Variants in QTRT2 observed in about 807,000 individuals in gnomAD.
QTRT2 encodes queuine tRNA-ribosyltransferase accessory subunit 2, also known as queuine tRNA-ribosyltransferase domain containing 1.
Under a neutral mutation model 44.8 loss-of-function variants are expected in QTRT2, and 32 were observed. The ratio of observed to expected loss-of-function variants is 0.71; its 90% confidence interval spans 0.54 to 0.96. QTRT2 has a LOEUF of 0.96. Among genes scored for constraint, QTRT2 ranks in the 40% least tolerant of loss-of-function variants. QTRT2 has a pLI of 0.00. For missense variants in QTRT2, 461 were observed against 503.1 expected (o/e 0.92, Z 0.80); for synonymous variants, 182 against 187.4 (o/e 0.97, Z 0.24).
intron 2 of QTRT2, among the ~76,000 whole-genome samples, chr3:114,060,500 A>AGG (rs1559946061): frequency 0.14 from 5,242 of 36,280 alleles, 96 homozygotes; most frequent in Non-Finnish European, 0.22. Flanking sequence ...AGGTAGGTAG[A>AGG]TAGATAGATA....
chr3:114,080,053 G>A lies in QTRT2; in HGVS notation c.894G>A (p.Glu298=), dbSNP rs2077147802. The A allele has an allele frequency of 6.2e-7, 1 of 1,601,582 alleles. No homozygotes were observed. The highest frequency in any genetic ancestry group is 8.5e-7 in the Non-Finnish European group (1 of 1,174,646). ...TTGATTACCAGCCGAATCCTGAAGA[G>A]ACACGTAAGTCTTTTGAAGTTTATC... The part of the protein sequence containing the change: ...FSFDYQPNPE[E]TLLQQNGTQE... Residue 298 remains glutamate, a synonymous_variant, in exon 8 of 10, where the codon GAG becomes GAA. Transcript: ENST00000281273.
At chr3:114,067,262 C>T (rs543155338) in intron 4 of QTRT2, among the ~76,000 whole-genome samples, 1 of 151,978 alleles carries the variant, frequency 6.6e-6, no homozygotes, top group Non-Finnish European at 1.5e-5. Flanking sequence ...TGTAGGCTTT[C>T]TAGAGATAAT....
intron 5 of QTRT2, among the ~76,000 whole-genome samples, chr3:114,070,194 G>A (rs2077005827): frequency 6.6e-6 from 1 of 152,158 alleles, no homozygotes; most frequent in African/African-American, 2.4e-5. Flanking sequence ...TAAATACTCT[G>A]ACATGATTAT....
intron 9 of QTRT2, among the ~76,000 whole-genome samples, chr3:114,084,372 C>A (rs1164087505): frequency 6.6e-6 from 1 of 152,094 alleles, no homozygotes; most frequent in Non-Finnish European, 1.5e-5. Context: ...AATCCTAGCA[C>A]TTTGGGAGGC....
chr3:114,062,797 A>G (rs1156547701), intron 2 of QTRT2, among the ~76,000 whole-genome samples: 1 of 152,178 alleles, frequency 6.6e-6, no homozygotes, highest in Non-Finnish European at 1.5e-5. Flanking sequence ...ACATTCTAGA[A>G]TCCTATACTT....
chr3:114,057,894 A>G (rs1476072825), intron 2 of QTRT2, among the ~76,000 whole-genome samples: 2 of 152,236 alleles, frequency 1.3e-5, no homozygotes, highest in African/African-American at 2.4e-5. Context: ...AGGGAAAAGA[A>G]GAAGAACACT....
At position 114,065,472 on chromosome 3, in the gene QTRT2, C is replaced by G; in HGVS notation, c.200+15C>G. 1.3e-6 allele frequency: 2 copies of G among 1,590,850 alleles called. No individual in the cohort carries two copies. The highest frequency in any genetic ancestry group is 2.2e-5 in the South Asian group (2 of 90,448). Reference sequence around the variant, plus strand: ...CTGTCATCCCTGTAAGTGTTAGAACCAATGATTCAAGTATCAACTGTGGCA... The same window carrying G: ...CTGTCATCCCTGTAAGTGTTAGAACGAATGATTCAAGTATCAACTGTGGCA... On this transcript the variant is annotated intron_variant, in intron 3 of 9. Transcript: ENST00000281273.
At chr3:114,079,784 T>C in intron 7 of QTRT2, 122 bp from the exon 8 acceptor site, 1 of 925,892 alleles carries the variant, frequency 1.1e-6, no homozygotes, top group Non-Finnish European at 1.7e-6. Context: ...TGCCTGCCAC[T>C]CTAACCATGA....
intron 2 of QTRT2, among the ~76,000 whole-genome samples, chr3:114,059,525 G>A (rs867015281): frequency 1.3e-5 from 2 of 152,130 alleles, no homozygotes; most frequent in Non-Finnish European, 2.9e-5. Context: ...TAGAAAAGAA[G>A]TGTAATTATA....
intron 8 of QTRT2, 102 bp downstream of exon 8, chr3:114,080,159 C>A: frequency 2.1e-6 from 2 of 932,728 alleles, no homozygotes; most frequent in Non-Finnish European, 3.2e-6. Context: ...TAAAGCCAGT[C>A]TTTTACAAAA....
chr3:114,060,405 G>C (rs2076864706), intron 2 of QTRT2, among the ~76,000 whole-genome samples: 1 of 152,136 alleles, frequency 6.6e-6, no homozygotes, highest in Admixed American at 6.5e-5. Flanking sequence ...TCGCTTATCT[G>C]TGGGGAATAT....
rs147560799 is a variant in QTRT2 at position 114,072,634 on chromosome 3, C to T, written c.546+1796C>T. Among the ~76,000 whole-genome samples, 322 of 152,320 alleles carry T rather than the reference C, an allele frequency of 2.1e-3. 2 individuals carry two copies. Among genetic ancestry groups the T allele is most frequent in the South Asian group, 0.011 (55 of 4,826 alleles). On this transcript the variant is annotated intron_variant, in intron 6 of 9. Coordinates refer to ENST00000281273, the MANE Select transcript of QTRT2 (RefSeq NM_024638.4). The stretch of plus-strand genomic sequence containing the variant: ...TTCATCATGCAGCAGAATGCCTTCC[C>T]TGTCTTATTCACTGGTTCCTCTTAT...
At chr3:114,079,803 T>C (rs559443440) in intron 7 of QTRT2, 103 bp from the exon 8 acceptor site, 433 of 1,120,772 alleles carry the variant, frequency 3.9e-4, no homozygotes, top group Non-Finnish European at 5.5e-4. Flanking sequence ...GATTGGTGTT[T>C]TTCATTATTA....
In QTRT2 at chr3:114,085,824, T is replaced by C. The variant is rs752860561; in HGVS notation, c.1168T>C (p.Phe390Leu). The change falls in exon 10 of 10, where the codon TTT becomes CTT. Residue 390 changes from phenylalanine to leucine, a missense_variant. Transcript: ENST00000281273. ...GCACAACTTTGAACACTACTTTGGG[T>C]TTTTCCATTACATCCGGGAAGCACT... ...MMHNFEHYFGFFHYIREALKS... is the reference protein window; with the variant it reads ...MMHNFEHYFGLFHYIREALKS... 7 of 1,613,984 alleles carry C rather than the reference T, an allele frequency of 4.3e-6. No individual in the cohort carries two copies. In the Admixed American group the frequency reaches 5.0e-5, roughly 12 times the overall value.
At chr3:114,078,209 A>G (rs2077118449) in intron 7 of QTRT2, 1 of 152,174 alleles carries the variant, frequency 6.6e-6, no homozygotes, top group East Asian at 1.9e-4. Context: ...TCTGGTGCAC[A>G]TAACACTTCA....
chr3:114,075,073 C>T (rs147148589), intron 6 of QTRT2, among the ~76,000 whole-genome samples: 4 of 152,264 alleles, frequency 2.6e-5, no homozygotes, highest in Admixed American at 2.6e-4. Flanking sequence ...ATTTTAGGAT[C>T]CATAGATAAA....
chr3:114,072,567 G>A (rs905600151), intron 6 of QTRT2, among the ~76,000 whole-genome samples: 3 of 152,166 alleles, frequency 2.0e-5, no homozygotes, highest in African/African-American at 7.2e-5. Context: ...TCATTAAACT[G>A]TGGCCTCTTT....
chr3:114,086,299 T>C lies in QTRT2; in HGVS notation c.*395T>C, dbSNP rs761786145. 7 of 212,716 alleles carry C rather than the reference T, an allele frequency of 3.3e-5. No homozygotes were observed. Among genetic ancestry groups the C allele is most frequent in the Non-Finnish European group, 5.8e-5 (6 of 103,876 alleles). 13.2% of individuals were successfully genotyped at this position (212,716 alleles called of 1,614,324 possible). ...GTGAGACGAATGGGCTCTGGACATA[T>C]GCCTGTTGATTTGAGAAGAAATCTG... On this transcript the variant is annotated 3_prime_UTR_variant, in exon 10 of 10. Coordinates refer to ENST00000281273, the MANE Select transcript of QTRT2 (RefSeq NM_024638.4).
intron 8 of QTRT2, among the ~76,000 whole-genome samples, chr3:114,081,232 T>C (rs2077162144): frequency 6.6e-6 from 1 of 152,234 alleles, no homozygotes; most frequent in South Asian, 2.1e-4. Flanking sequence ...CAAAGTATTA[T>C]TAACTCTGTG....
Sources: allele counts gnomAD v4.1 joint callset (sites outside exome capture counted in the v4.1 genomes callset), GRCh38; gene constraint gnomAD v4.1.1; transcripts MANE v1.5; gene names NCBI Gene and HGNC (gene_info 2026-07-23, HGNC 2026-07-21).